The following TMEM178B variants were observed in gnomAD, a reference collection of about 807,000 sequenced individuals.
The protein encoded by TMEM178B is transmembrane protein 178B.
A neutral mutation model predicts 31.0 loss-of-function variants in TMEM178B; 5 were observed. The ratio of observed to expected loss-of-function variants is 0.16; its 90% CI spans 0.08 to 0.34. The LOEUF is 0.34. Ranked by LOEUF, TMEM178B falls within the 10% of genes least tolerant of loss-of-function variation. TMEM178B has a pLI of 1.00. For missense variants in TMEM178B, 275 were observed against 400.3 expected, an observed-to-expected ratio of 0.69 and a Z score of 2.67; for synonymous variants, 164 against 164.0, an observed-to-expected ratio of 1.00 and a Z score of 0.00.
chr7:141,238,880 C>T (rs1025356173), intron 2 of TMEM178B, among the ~76,000 whole-genome samples: 1 of 152,164 alleles, frequency 6.6e-6, no homozygotes, highest in African/African-American at 2.4e-5. Flanking sequence ...TAGCTGCAGC[C>T]TATATCTTTG....
In TMEM178B at chr7:141,162,624, G is replaced by C. The variant is rs371638165; in HGVS notation, c.383-49967G>C. On this transcript the variant is annotated intron_variant, in intron 1 of 3. Transcript: ENST00000565468. ...AGTTAGGAAAGAATCTCAGTCCCATGGTACCAACACTAGCATTTTATTTCA... is the reference window on the plus strand; with the variant it reads ...AGTTAGGAAAGAATCTCAGTCCCATCGTACCAACACTAGCATTTTATTTCA... Among the ~76,000 whole-genome samples, 105 of 152,276 alleles carry C rather than the reference G, an allele frequency of 6.9e-4. 4 individuals carry two copies. In the South Asian group the frequency reaches 0.019, roughly 28 times the overall value.
At chr7:141,116,479 T>A (rs1173657540) in intron 1 of TMEM178B, among the ~76,000 whole-genome samples, 1 of 152,110 alleles carries the variant, frequency 6.6e-6, no homozygotes, top group African/African-American at 2.4e-5. Flanking sequence ...TCCAATGAAT[T>A]GAATCTCCAA....
At position 141,473,455 on chromosome 7, in the gene TMEM178B, T is replaced by C. The variant is rs1802286500; in HGVS notation, c.*2669T>C. On this transcript the variant is annotated 3_prime_UTR_variant, in exon 4 of 4. Coordinates refer to ENST00000565468, the MANE Select transcript of TMEM178B (RefSeq NM_001195278.2). ...CATTTAAACTTTTTGTAAGTAATCA[T>C]GTTTGAGGATGCTGGCTCACAGACC... is the stretch of plus-strand genomic sequence containing the variant. The C allele has an allele frequency of 6.6e-6, 1 of 152,232 alleles. No homozygotes were observed. The highest frequency in any genetic ancestry group is 1.5e-5 in the Non-Finnish European group (1 of 68,044). 9.4% of individuals were successfully genotyped at this position (152,232 alleles called of 1,614,324 possible).
intron 1 of TMEM178B, among the ~76,000 whole-genome samples, chr7:141,139,766 G>GTTT (rs111634848): frequency 6.9e-6 from 1 of 144,708 alleles, no homozygotes; most frequent in Non-Finnish European, 1.5e-5. Flanking sequence ...TTAGAATGAA[G>GTTT]TTTTTTTTTT....
At chr7:141,245,249 C>CATCATGTTA (rs1169110816) in intron 2 of TMEM178B, among the ~76,000 whole-genome samples, 1 of 100,102 alleles carries the variant, frequency 1.0e-5, no homozygotes, top group African/African-American at 3.9e-5. Flanking sequence ...AGCCAAGAAA[C>CATCATGTTA]ATCATGTTAA....
At chr7:141,451,940 C>T (rs1250356114) in intron 3 of TMEM178B, among the ~76,000 whole-genome samples, 8 of 152,166 alleles carry the variant, frequency 5.3e-5, no homozygotes, top group East Asian at 3.9e-4. Flanking sequence ...TGTCCTTGAC[C>T]GTCCTGTTCC....
At chr7:141,179,376 C>G (rs1796481490) in intron 1 of TMEM178B, among the ~76,000 whole-genome samples, 1 of 152,106 alleles carries the variant, frequency 6.6e-6, no homozygotes, top group Admixed American at 6.5e-5. Flanking sequence ...AAAAAAGGGA[C>G]TTTTCTTGGT....
intron 1 of TMEM178B, among the ~76,000 whole-genome samples, chr7:141,201,792 TGGAAGCAAACA>T (rs1170636185): frequency 2.0e-5 from 3 of 152,206 alleles, no homozygotes; most frequent in Admixed American, 1.3e-4. Context: ...AAGGGAGCTA[TGGAAGCAAACA>T]TTTTGTCTTA....
At chr7:141,281,472 G>A (rs971152913) in intron 2 of TMEM178B, among the ~76,000 whole-genome samples, 4 of 152,126 alleles carry the variant, frequency 2.6e-5, no homozygotes, top group Admixed American at 6.5e-5. Context: ...ACTGAGCAGC[G>A]AACGTGCGTT....
chr7:141,272,555 G>A (rs548938927), intron 2 of TMEM178B, among the ~76,000 whole-genome samples: 13 of 152,316 alleles, frequency 8.5e-5, no homozygotes, highest in African/African-American at 3.1e-4. Flanking sequence ...CCTCCATTTT[G>A]AAATGTAACT....
the TMEM178B span, among the ~76,000 whole-genome samples, chr7:141,504,769 A>C: frequency 6.6e-6 from 1 of 152,222 alleles, no homozygotes; most frequent in Admixed American, 6.5e-5. Flanking sequence ...GTGAAGTCTG[A>C]CGCTTTAATG....
At chr7:141,465,008 T>A (rs967103021) in intron 3 of TMEM178B, among the ~76,000 whole-genome samples, 5 of 152,242 alleles carry the variant, frequency 3.3e-5, no homozygotes, top group Non-Finnish European at 7.3e-5. Context: ...CAATTCATAG[T>A]GGGCGTTACT....
intron 2 of TMEM178B, among the ~76,000 whole-genome samples, chr7:141,299,120 G>A (rs912398356): frequency 3.3e-5 from 5 of 152,122 alleles, no homozygotes; most frequent in South Asian, 2.1e-4. Context: ...GGCTAGAATG[G>A]TGTTTCAGAG....
At chr7:141,456,030 C>T (rs565131072) in intron 3 of TMEM178B, among the ~76,000 whole-genome samples, 85 of 152,320 alleles carry the variant, frequency 5.6e-4, no homozygotes, top group African/African-American at 2.0e-3. Flanking sequence ...TCCTTCCATG[C>T]TTAGAATCAA....
chr7:141,395,383 G>T (rs1800619758), intron 2 of TMEM178B, among the ~76,000 whole-genome samples: 1 of 152,186 alleles, frequency 6.6e-6, no homozygotes, highest in African/African-American at 2.4e-5. Context: ...TGAGGCTGCA[G>T]GGAGCTGGGA....
chr7:141,372,919 G>A (rs1348289056), intron 2 of TMEM178B, among the ~76,000 whole-genome samples: 1 of 152,160 alleles, frequency 6.6e-6, no homozygotes, highest in Non-Finnish European at 1.5e-5. Context: ...GGAATGGGGT[G>A]GGGTGATGAA....
intron 2 of TMEM178B, among the ~76,000 whole-genome samples, chr7:141,357,270 C>T (rs183700025): frequency 6.6e-6 from 1 of 152,126 alleles, no homozygotes; most frequent in South Asian, 2.1e-4. Flanking sequence ...CAGTTAGTAC[C>T]ACCTACAGAA....
At chr7:141,175,583 C>T (rs1796420315) in intron 1 of TMEM178B, among the ~76,000 whole-genome samples, 1 of 152,112 alleles carries the variant, frequency 6.6e-6, no homozygotes, top group Admixed American at 6.5e-5. Flanking sequence ...ACTGGTTTTT[C>T]CTATCCATGA....
intron 2 of TMEM178B, among the ~76,000 whole-genome samples, chr7:141,251,292 GAGAAGCATTAA>G (rs1294922743): frequency 3.9e-5 from 6 of 151,954 alleles, no homozygotes; most frequent in South Asian, 4.2e-4. Flanking sequence ...GCAGGAATCA[GAGAAGCATTAA>G]AGAATGACAG....
Sources: gnomAD v4.1 joint callset for allele counts (sites outside exome capture counted in the v4.1 genomes callset) on GRCh38, gnomAD v4.1.1 for gene constraint, MANE v1.5 for transcripts, NCBI Gene and HGNC (gene_info 2026-07-23, HGNC 2026-07-21) for gene names.